The following IMPG1 variants were observed in gnomAD, a reference collection of about 807,000 sequenced individuals.
IMPG1 encodes interphotoreceptor matrix proteoglycan of 150 kDa.
Under a neutral mutation model 92.0 loss-of-function variants are expected in IMPG1, and 85 were observed. The observed-to-expected ratio is 0.92, with a 90% CI of 0.78 to 1.11. The LOEUF is 1.11. IMPG1 is among the 50% of genes least tolerant of loss of function. The pLI is 0.00. For synonymous variants in IMPG1, 367 were observed against 334.1 expected (o/e 1.10, Z -1.08); for missense variants, 1,022 against 956.0 (o/e 1.07, Z -0.91).
Position 75,994,052 on chromosome 6 carries a change from C to A in IMPG1, c.1291+8866G>T, listed in dbSNP as rs139127188. ...CACTGGTGAGGTGCTAGCACTTCAG[C>A]TAGAGTTAGCAGGATACAAATACCA... On this transcript the variant is annotated intron_variant, in intron 12 of 16. Transcript: ENST00000369950. Among the ~76,000 whole-genome samples the A allele has an allele frequency of 3.3e-5, 5 of 152,272 alleles. No individual in the cohort carries two copies. In the East Asian group the frequency reaches 9.7e-4, roughly 29 times the overall value.
intron 14 of IMPG1, among the ~76,000 whole-genome samples, chr6:75,935,455 A>C (rs1781729532): frequency 6.6e-6 from 1 of 152,166 alleles, no homozygotes; most frequent in African/African-American, 2.4e-5. Context: ...AAAGTGACAG[A>C]TTTTTGGTTG....
intron 12 of IMPG1, among the ~76,000 whole-genome samples, chr6:75,958,877 C>T (rs1020539340): frequency 6.6e-6 from 1 of 151,952 alleles, no homozygotes; most frequent in African/African-American, 2.4e-5. Flanking sequence ...CTTCTTATGT[C>T]AATTTGTCAA....
At chr6:76,031,687 T>C (rs1034498012) in intron 4 of IMPG1, among the ~76,000 whole-genome samples, 4 of 152,278 alleles carry the variant, frequency 2.6e-5, no homozygotes, top group Admixed American at 2.6e-4. Flanking sequence ...GTTTGTTTTT[T>C]ACTTTACAGA....
Position 75,923,483 on chromosome 6 carries a change from CA to C in IMPG1, c.2316+150del, listed in dbSNP as rs1317059026. ...TCCCAGCCTTCTGACTCTATCCTTG[CA>C]CTAGAAAATGTCACCCCCTTAAAAC... On this transcript the variant is annotated intron_variant, in intron 16 of 16. Transcript: ENST00000369950. 4 of 594,422 alleles carry C rather than the reference CA, an allele frequency of 6.7e-6. No individual in the cohort carries two copies. The African/African-American group carries it at 7.6e-5, about 11-fold the overall frequency. 36.8% of individuals were successfully genotyped at this position (594,422 alleles called of 1,614,324 possible).
intron 12 of IMPG1, among the ~76,000 whole-genome samples, chr6:75,987,849 A>G (rs2149472095): frequency 6.6e-6 from 1 of 152,138 alleles, no homozygotes; most frequent in East Asian, 1.9e-4. Flanking sequence ...GGGTTTCACC[A>G]TATTAGCCAG....
intron 15 of IMPG1, among the ~76,000 whole-genome samples, chr6:75,929,175 A>G (rs1781618652): frequency 6.7e-6 from 1 of 149,130 alleles, no homozygotes; most frequent in Non-Finnish European, 1.5e-5. Flanking sequence ...GATAATGACA[A>G]ATTTCTTTTG....
chr6:76,021,820 A>G (rs1427103678), intron 6 of IMPG1, among the ~76,000 whole-genome samples: 7 of 49,684 alleles, frequency 1.4e-4, no homozygotes, highest in Non-Finnish European at 3.2e-4. Context: ...TTATATATAT[A>G]TATAAGGTTT....
At chr6:76,038,912 G>A (rs1239119303) in intron 2 of IMPG1, among the ~76,000 whole-genome samples, 3 of 152,200 alleles carry the variant, frequency 2.0e-5, no homozygotes, top group Admixed American at 6.5e-5. Context: ...ACAGTTATTC[G>A]CAATTAGTAT....
intron 14 of IMPG1, 112 bp from the exon 15 acceptor site, chr6:75,931,263 G>T (rs767793489): frequency 5.3e-5 from 51 of 956,606 alleles, no homozygotes; most frequent in Non-Finnish European, 8.1e-5. Flanking sequence ...TTTTGGAGTG[G>T]GTTGCACAGT....
At chr6:75,934,506 G>T (rs1338311568) in intron 14 of IMPG1, among the ~76,000 whole-genome samples, 2 of 152,146 alleles carry the variant, frequency 1.3e-5, no homozygotes, top group South Asian at 4.1e-4. Flanking sequence ...GCTCTCCACC[G>T]TGTGATCAAA....
At chr6:75,974,068 G>A (rs960530515) in intron 12 of IMPG1, among the ~76,000 whole-genome samples, 1 of 152,224 alleles carries the variant, frequency 6.6e-6, no homozygotes, top group South Asian at 2.1e-4. Flanking sequence ...CTGGCTTCAA[G>A]ATAGTCCCTT....
At chr6:76,071,428 T>C (rs1784402232) in intron 1 of IMPG1, among the ~76,000 whole-genome samples, 1 of 151,178 alleles carries the variant, frequency 6.6e-6, no homozygotes, top group African/African-American at 2.4e-5. Context: ...TAATTGATAA[T>C]TTAATGAAAA....
At chr6:76,067,942 G>C (rs955905002) in intron 1 of IMPG1, among the ~76,000 whole-genome samples, 1 of 151,996 alleles carries the variant, frequency 6.6e-6, no homozygotes, top group Admixed American at 6.6e-5. Context: ...AAAACTATAA[G>C]ATCATCTCTT....
Position 76,018,829 on chromosome 6 carries a change from C to T in IMPG1, c.696G>A (p.Glu232=), listed in dbSNP as rs776093110. ...AGACGCTGAGCTCCACCCTCTGCTC[C>T]TCCAACACAGCGAATTCTGTTTCTC... The part of the protein sequence containing the change: ...TERETEFAVL[E]EQRVELSVSL... Residue 232 remains glutamate (E), a synonymous_variant, in exon 7 of 17, where the codon GAG becomes GAA. Transcript: ENST00000369950. The T allele has an allele frequency of 1.9e-6, 3 of 1,605,440 alleles. No homozygotes were observed. In the South Asian group the frequency reaches 3.4e-5, roughly 18 times the overall value.
At chr6:75,946,415 T>A (rs1781930306) in intron 14 of IMPG1, among the ~76,000 whole-genome samples, 1 of 152,224 alleles carries the variant, frequency 6.6e-6, no homozygotes, top group South Asian at 2.1e-4. Flanking sequence ...TGTTAAAGAT[T>A]CACTCCACTA....
At chr6:76,035,015 T>C (rs536181626) in intron 2 of IMPG1, among the ~76,000 whole-genome samples, 3 of 151,778 alleles carry the variant, frequency 2.0e-5, no homozygotes, top group Non-Finnish European at 2.9e-5. Context: ...TGTGTGTGTG[T>C]GCGTGTGTGT....
intron 12 of IMPG1, among the ~76,000 whole-genome samples, chr6:75,970,482 C>T (rs1782393481): frequency 6.6e-6 from 1 of 152,122 alleles, no homozygotes; most frequent in Admixed American, 6.5e-5. Flanking sequence ...AATATAAAAA[C>T]TAAAGAGCTC....
chr6:75,979,210 C>A (rs1397105255), intron 12 of IMPG1, among the ~76,000 whole-genome samples: 1 of 152,190 alleles, frequency 6.6e-6, no homozygotes, highest in Non-Finnish European at 1.5e-5. Flanking sequence ...AGCCACTGCA[C>A]CCCACCAAGA....
intron 1 of IMPG1, among the ~76,000 whole-genome samples, chr6:76,049,599 G>A (rs1784002650): frequency 6.6e-6 from 1 of 152,186 alleles, no homozygotes; most frequent in African/African-American, 2.4e-5. Context: ...ACAATATACA[G>A]AAAGTGACAG....
Sources: gnomAD v4.1 joint callset for allele counts (sites outside exome capture counted in the v4.1 genomes callset) on GRCh38, gnomAD v4.1.1 for gene constraint, MANE v1.5 for transcripts, NCBI Gene and HGNC (gene_info 2026-07-23, HGNC 2026-07-21) for gene names.